The following RANBP2 variants were observed in gnomAD, a reference collection of about 807,000 sequenced individuals.
RANBP2 encodes E3 SUMO-protein ligase RanBP2.
In RANBP2, 57 loss-of-function variants were observed where a neutral mutation model predicts 303.6. That is an observed-to-expected ratio of 0.19 (90% CI 0.15 to 0.23). The LOEUF is 0.23. Ranked by LOEUF, RANBP2 falls within the 10% of genes least tolerant of loss-of-function variation. The probability of loss-of-function intolerance (pLI) is 1.00; values close to 1 mark genes in which losing one functional copy is unlikely to be tolerated. For synonymous variants in RANBP2, 1,167 were observed against 1,301.5 expected, an observed-to-expected ratio of 0.90 and a Z score of 2.23; for missense variants, 3,138 against 3,780.8, an observed-to-expected ratio of 0.83 and a Z score of 4.46.
At chr2:109,103,417 CAT>C in the RANBP2 span, among the ~76,000 whole-genome samples, 2 of 152,086 alleles carry the variant, frequency 1.3e-5, no homozygotes, top group African/African-American at 4.8e-5. Flanking sequence ...CCCATGGAGA[CAT>C]AAGACTTCAA....
the RANBP2 span, among the ~76,000 whole-genome samples, chr2:109,381,898 G>A: frequency 6.6e-6 from 1 of 152,090 alleles, no homozygotes; most frequent in Non-Finnish European, 1.5e-5. Context: ...ATGTGCAATG[G>A]GCAAACATGT....
the RANBP2 span, among the ~76,000 whole-genome samples, chr2:109,442,967 A>G: frequency 4.6e-5 from 7 of 152,394 alleles, no homozygotes; most frequent in South Asian, 1.2e-3. Context: ...AGTAAGAAAC[A>G]TACTTTAATA....
At chr2:108,835,353 T>C in the RANBP2 span, among the ~76,000 whole-genome samples, 1 of 152,036 alleles carries the variant, frequency 6.6e-6, no homozygotes, top group African/African-American at 2.4e-5. Flanking sequence ...AGCCGTGAGC[T>C]CAAAAATTAA....
chr2:108,721,049 A>C (rs1251400740), intron 1 of RANBP2, among the ~76,000 whole-genome samples: 2 of 151,254 alleles, frequency 1.3e-5, no homozygotes, highest in Non-Finnish European at 2.9e-5. Flanking sequence ...ACTCCAAAAA[A>C]ACAAAAACAA....
At chr2:109,704,366 G>A in the RANBP2 span, among the ~76,000 whole-genome samples, 1 of 151,860 alleles carries the variant, frequency 6.6e-6, no homozygotes, top group African/African-American at 2.4e-5. Context: ...AGGGCAACAC[G>A]GCAAAACCTC....
the RANBP2 span, among the ~76,000 whole-genome samples, chr2:109,009,702 C>CATT: frequency 8.1e-6 from 1 of 123,126 alleles, no homozygotes; most frequent in African/African-American, 3.3e-5. Flanking sequence ...ACATTTTTAC[C>CATT]TTTTTTTTGT....
chr2:109,016,290 G>T, the RANBP2 span, among the ~76,000 whole-genome samples: 4 of 151,446 alleles, frequency 2.6e-5, no homozygotes, highest in African/African-American at 9.7e-5. Flanking sequence ...GGGTTTCACC[G>T]TGTTCACCAG....
the RANBP2 span, among the ~76,000 whole-genome samples, chr2:108,922,072 C>T: frequency 6.6e-6 from 1 of 152,222 alleles, no homozygotes; most frequent in African/African-American, 2.4e-5. Context: ...GAGAGGCGCC[C>T]CTGCCGTGAC....
At chr2:109,374,588 T>A in the RANBP2 span, among the ~76,000 whole-genome samples, 1 of 152,166 alleles carries the variant, frequency 6.6e-6, no homozygotes, top group African/African-American at 2.4e-5. Context: ...AGCTTCCATC[T>A]TGGGCTACTG....
At chr2:108,738,117 C>G (rs1695765211) in intron 6 of RANBP2, among the ~76,000 whole-genome samples, 1 of 151,796 alleles carries the variant, frequency 6.6e-6, no homozygotes, top group Non-Finnish European at 1.5e-5. Context: ...GCTCTGTCGC[C>G]CAGGCTGGAG....
At chr2:109,315,656 C>T in the RANBP2 span, among the ~76,000 whole-genome samples, 1 of 152,208 alleles carries the variant, frequency 6.6e-6, no homozygotes, top group Admixed American at 6.5e-5. Context: ...TGCAGGCTTT[C>T]CTGGCAGTCT....
chr2:109,100,792 A>AG, the RANBP2 span, among the ~76,000 whole-genome samples: 2 of 152,264 alleles, frequency 1.3e-5, no homozygotes, highest in Non-Finnish European at 2.9e-5. Context: ...GGGAAAAAAA[A>AG]GAAGTCCAGA....
chr2:109,238,060 G>T, the RANBP2 span, among the ~76,000 whole-genome samples: 2 of 152,126 alleles, frequency 1.3e-5, no homozygotes, highest in Admixed American at 1.3e-4. Context: ...TAAAAAATTA[G>T]CCAAGCATGG....
chr2:108,783,866 C>A lies in RANBP2; in HGVS notation c.9640C>A (p.Arg3214=). The A allele has an allele frequency of 6.2e-7, 1 of 1,612,852 alleles. No homozygotes were observed. Among genetic ancestry groups the A allele is most frequent in the South Asian group, 1.1e-5 (1 of 91,000 alleles). ...TGGTTCTCCCAAAGGGTCTGTTTGT[C>A]GAAGAATAACTATCACAGAATGTGG... ...SFGSPKGSVC[R]RITITECGQI is the part of the protein sequence containing the mutation. Residue 3214 remains arginine (R), a synonymous_variant, in exon 29 of 29, where the codon CGA becomes AGA. Transcript: ENST00000283195.
At chr2:109,303,438 G>A in the RANBP2 span, among the ~76,000 whole-genome samples, 2 of 152,238 alleles carry the variant, frequency 1.3e-5, no homozygotes, top group African/African-American at 2.4e-5. Flanking sequence ...TGATCTTTGT[G>A]TAGACTGGTA....
the RANBP2 span, chr2:109,667,302 T>C: frequency 1.5e-6 from 1 of 654,530 alleles, no homozygotes; most frequent in South Asian, 1.6e-5. Context: ...GAAGGTCCTG[T>C]GGCCAATTGA....
At chr2:109,578,707 C>T in the RANBP2 span, among the ~76,000 whole-genome samples, 2 of 151,550 alleles carry the variant, frequency 1.3e-5, no homozygotes, top group South Asian at 2.1e-4. Context: ...GCGGTGGTTA[C>T]AGTGAACCGA....
the RANBP2 span, among the ~76,000 whole-genome samples, chr2:108,997,394 T>C: frequency 1.7e-5 from 2 of 120,886 alleles, no homozygotes; most frequent in East Asian, 2.4e-4. Context: ...TGAGCTGACA[T>C]TGCGCCACTG....
chr2:109,188,494 G>GT, the RANBP2 span, among the ~76,000 whole-genome samples: 1 of 152,204 alleles, frequency 6.6e-6, no homozygotes, highest in South Asian at 2.1e-4. Flanking sequence ...TTGTCCCTGG[G>GT]TTTGGCTCTT....
Sources: allele counts gnomAD v4.1 joint callset (sites outside exome capture counted in the v4.1 genomes callset), GRCh38; gene constraint gnomAD v4.1.1; transcripts MANE v1.5; gene names NCBI Gene and HGNC (gene_info 2026-07-23, HGNC 2026-07-21).